Variants in CAMK2D observed in about 807,000 individuals in gnomAD.
CAMK2D encodes calcium/calmodulin dependent protein kinase II delta.
CAMK2D carries 37 observed loss-of-function variants against 84.0 expected under a neutral mutation model. The ratio of observed to expected loss-of-function variants is 0.44; its 90% CI spans 0.34 to 0.58. The LOEUF (loss-of-function observed/expected upper bound fraction) is 0.58, where lower values mean the gene tolerates loss of function less well. Among genes scored for constraint, CAMK2D ranks in the 20% least tolerant of loss-of-function variants. The probability of loss-of-function intolerance (pLI) is 0.02; values close to 1 mark genes in which losing one functional copy is unlikely to be tolerated. For missense variants in CAMK2D, 448 were observed against 652.5 expected (o/e 0.69, Z 3.41); for synonymous variants, 202 against 212.5 (o/e 0.95, Z 0.43).
chr4:113,505,581 A>C (rs2098118259), intron 13 of CAMK2D, among the ~76,000 whole-genome samples: 2 of 152,050 alleles, frequency 1.3e-5, no homozygotes, highest in Non-Finnish European at 2.9e-5. Context: ...ACAAGTGTAG[A>C]TCTCCTCTAA....
At chr4:113,612,147 A>G (rs2099002878) in intron 3 of CAMK2D, among the ~76,000 whole-genome samples, 1 of 152,170 alleles carries the variant, frequency 6.6e-6, no homozygotes, top group African/African-American at 2.4e-5. Context: ...GTTCACAATT[A>G]CTGTGAGGAT....
chr4:113,627,796 G>C (rs998612549), intron 3 of CAMK2D, among the ~76,000 whole-genome samples: 17 of 152,260 alleles, frequency 1.1e-4, no homozygotes, highest in African/African-American at 3.8e-4. Context: ...GGCCTTATTA[G>C]ACCTTAGCTG....
intron 2 of CAMK2D, among the ~76,000 whole-genome samples, chr4:113,668,385 A>T (rs12502199): frequency 0.38 from 57,395 of 151,986 alleles, 11,038 homozygotes; most frequent in South Asian, 0.48. Context: ...TGTCCAAGTT[A>T]CTTGACCTTT....
At chr4:113,577,590 C>T (rs554687310) in intron 4 of CAMK2D, among the ~76,000 whole-genome samples, 2 of 152,140 alleles carry the variant, frequency 1.3e-5, no homozygotes, top group African/African-American at 2.4e-5. Flanking sequence ...GCTTGGCCCT[C>T]GATTTGTTTT....
intron 2 of CAMK2D, chr4:113,755,070 T>C: frequency 1.0e-6 from 1 of 984,582 alleles, no homozygotes; most frequent in Non-Finnish European, 1.2e-6. Context: ...AGTTGAGAAA[T>C]TACAGTACTT....
chr4:113,653,984 C>T (rs1030632990), intron 3 of CAMK2D, among the ~76,000 whole-genome samples: 1 of 151,788 alleles, frequency 6.6e-6, no homozygotes, highest in Non-Finnish European at 1.5e-5. Flanking sequence ...GGTATTTGAG[C>T]GAAAAATTTC....
chr4:113,676,324 C>T (rs1019336534), intron 2 of CAMK2D, among the ~76,000 whole-genome samples: 1 of 152,156 alleles, frequency 6.6e-6, no homozygotes, highest in South Asian at 2.1e-4. Context: ...GAAACTTGGC[C>T]ATCCTCCTCC....
intron 2 of CAMK2D, among the ~76,000 whole-genome samples, chr4:113,747,077 T>C (rs2099605905): frequency 6.6e-6 from 1 of 150,510 alleles, no homozygotes; most frequent in Admixed American, 6.7e-5. Flanking sequence ...TAGCAAAATC[T>C]TACATATTAA....
chr4:113,661,102 G>C (rs899803587), intron 3 of CAMK2D, among the ~76,000 whole-genome samples: 1 of 152,068 alleles, frequency 6.6e-6, no homozygotes, highest in Non-Finnish European at 1.5e-5. Context: ...GCCTGTAGCT[G>C]AACAATTCTT....
chr4:113,682,111 C>T (rs1561805551), intron 2 of CAMK2D, among the ~76,000 whole-genome samples: 2 of 152,082 alleles, frequency 1.3e-5, no homozygotes, highest in African/African-American at 4.8e-5. Context: ...GATGATAATG[C>T]TGTACAGGTA....
chr4:113,564,586 T>C (rs2098713684), intron 4 of CAMK2D, among the ~76,000 whole-genome samples: 2 of 152,086 alleles, frequency 1.3e-5, no homozygotes, highest in African/African-American at 4.8e-5. Context: ...GACCATGTCT[T>C]ACTTATTTTT....
chr4:113,532,092 G>A (rs1353623036), intron 7 of CAMK2D, among the ~76,000 whole-genome samples: 1 of 152,062 alleles, frequency 6.6e-6, no homozygotes, highest in Non-Finnish European at 1.5e-5. Context: ...GATCACTGAT[G>A]AAACACACTG....
chr4:113,503,799 A>G (rs2154153045), intron 14 of CAMK2D, among the ~76,000 whole-genome samples: 3 of 152,318 alleles, frequency 2.0e-5, no homozygotes, highest in East Asian at 3.9e-4. Flanking sequence ...GGAGAATAAC[A>G]TTCAAATAAC....
chr4:113,657,743 C>T (rs567728403), intron 3 of CAMK2D, among the ~76,000 whole-genome samples: 20 of 152,226 alleles, frequency 1.3e-4, no homozygotes, highest in African/African-American at 4.3e-4. Flanking sequence ...CTTTTGCTTG[C>T]TGCAAGTTTT....
intron 2 of CAMK2D, among the ~76,000 whole-genome samples, chr4:113,674,950 G>A (rs542948346): frequency 6.6e-6 from 1 of 151,972 alleles, no homozygotes; most frequent in Non-Finnish European, 1.5e-5. Context: ...CTGGAAATAA[G>A]GGACTGTGAC....
intron 16 of CAMK2D, among the ~76,000 whole-genome samples, chr4:113,492,962 A>C (rs1219709070): frequency 1.1e-5 from 1 of 89,300 alleles, no homozygotes; most frequent in Non-Finnish European, 2.2e-5. Flanking sequence ...CTAGGATTGC[A>C]ACCCCTGCCT....
At chr4:113,650,169 T>C (rs999795645) in intron 3 of CAMK2D, among the ~76,000 whole-genome samples, 1 of 152,132 alleles carries the variant, frequency 6.6e-6, no homozygotes, top group Non-Finnish European at 1.5e-5. Flanking sequence ...CAGATTAATA[T>C]AATTTCCTTT....
chr4:113,701,126 A>T (rs1199931622), intron 2 of CAMK2D, among the ~76,000 whole-genome samples: 1 of 152,148 alleles, frequency 6.6e-6, no homozygotes, highest in Non-Finnish European at 1.5e-5. Flanking sequence ...TAATTCTTCT[A>T]AAGCACTGTT....
intron 8 of CAMK2D, among the ~76,000 whole-genome samples, chr4:113,522,586 T>C (rs904113506): frequency 1.3e-5 from 2 of 152,162 alleles, no homozygotes; most frequent in Admixed American, 1.3e-4. Context: ...GACAGGCCTT[T>C]TGGCAGCAGG....
Sources: gnomAD v4.1 joint callset for allele counts (sites outside exome capture counted in the v4.1 genomes callset) on GRCh38, gnomAD v4.1.1 for gene constraint, MANE v1.5 for transcripts, NCBI Gene and HGNC (gene_info 2026-07-23, HGNC 2026-07-21) for gene names.